GYPE: variants seen among roughly 807,000 people sequenced by gnomAD.
The protein encoded by GYPE is glycophorin E (MNS blood group).
A neutral mutation model predicts 11.6 loss-of-function variants in GYPE; 8 were observed. That is an observed-to-expected ratio of 0.69 (90% CI 0.41 to 1.25). The LOEUF (loss-of-function observed/expected upper bound fraction) is 1.25, where lower values mean the gene tolerates loss of function less well. GYPE is among the 50% of genes most tolerant of loss of function. The pLI is 0.01. For synonymous variants in GYPE, 28 were observed against 29.6 expected, an observed-to-expected ratio of 0.94 and a Z score of 0.18; for missense variants, 90 against 92.8, an observed-to-expected ratio of 0.97 and a Z score of 0.12.
At chr4:143,895,318 G>C (rs892873683) in intron 1 of GYPE, among the ~76,000 whole-genome samples, 10 of 152,138 alleles carry the variant, frequency 6.6e-5, no homozygotes, top group African/African-American at 2.4e-4. Flanking sequence ...TCTCAGGATA[G>C]AAAATCAAGG....
chr4:143,891,986 G>C (rs1416928461), intron 1 of GYPE, among the ~76,000 whole-genome samples: 1 of 152,152 alleles, frequency 6.6e-6, no homozygotes, highest in African/African-American at 2.4e-5. Context: ...CACAATTTCA[G>C]AGCCTGTTAT....
chr4:143,900,391 TA>T (rs1206437227), intron 1 of GYPE, among the ~76,000 whole-genome samples: 2 of 117,760 alleles, frequency 1.7e-5, no homozygotes, highest in East Asian at 4.7e-4. Context: ...AGCAGTTCCT[TA>T]GTAAGTTAAA....
chr4:143,895,260 T>C (rs936983682), intron 1 of GYPE, among the ~76,000 whole-genome samples: 15 of 152,294 alleles, frequency 9.8e-5, no homozygotes, highest in African/African-American at 3.4e-4. Context: ...GAAAACCCCA[T>C]TGTCTTGGCC....
intron 1 of GYPE, among the ~76,000 whole-genome samples, chr4:143,895,663 G>C (rs1196108318): frequency 7.2e-6 from 1 of 138,266 alleles, no homozygotes; most frequent in South Asian, 2.7e-4. Context: ...CTACTTTAAA[G>C]TTCATATGGA....
intron 1 of GYPE, among the ~76,000 whole-genome samples, chr4:143,891,661 A>G (rs1262118556): frequency 2.6e-5 from 4 of 152,104 alleles, no homozygotes; most frequent in African/African-American, 4.8e-5. Context: ...AAAAAAGTAA[A>G]AATCATTTGT....
Position 143,871,736 on chromosome 4 carries a change from A to G in GYPE, c.*526T>C, listed in dbSNP as rs1743626622. On this transcript the variant is annotated 3_prime_UTR_variant, in exon 4 of 4. Coordinates refer to ENST00000358615, the MANE Select transcript of GYPE (RefSeq NM_198682.3). ...GCCTTCAAGAAGGTGAGAGAAACTA[A>G]TATTTGGTTTACTGTCAGCAGTCTG... 1 of 152,142 alleles carries G rather than the reference A, an allele frequency of 6.6e-6. No homozygotes were observed. The highest frequency in any genetic ancestry group is 2.4e-5 in the African/African-American group (1 of 41,414). The allele number at this position is 152,142 out of a possible 1,614,324, so 9.4% of individuals were successfully genotyped here. A position where few individuals can be genotyped will look rare whatever the true frequency, so the allele number is the denominator to read the frequency against.
chr4:143,895,621 A>G (rs1321592048), intron 1 of GYPE, among the ~76,000 whole-genome samples: 1 of 147,440 alleles, frequency 6.8e-6, no homozygotes, highest in Non-Finnish European at 1.5e-5. Context: ...CCATCAAGCT[A>G]CCAATGACTT....
At chr4:143,894,750 C>T (rs559362948) in intron 1 of GYPE, among the ~76,000 whole-genome samples, 5 of 152,194 alleles carry the variant, frequency 3.3e-5, no homozygotes, top group South Asian at 2.1e-4. Flanking sequence ...ATGCAAAAAT[C>T]CTCAATAAAA....
chr4:143,900,697 TA>T (rs1386144044), intron 1 of GYPE, among the ~76,000 whole-genome samples: 1 of 152,106 alleles, frequency 6.6e-6, no homozygotes, highest in Non-Finnish European at 1.5e-5. Context: ...GGATGAACTT[TA>T]AACACATTAT....
chr4:143,874,723 A>G (rs1351816339), intron 3 of GYPE, among the ~76,000 whole-genome samples: 1 of 152,130 alleles, frequency 6.6e-6, no homozygotes, highest in African/African-American at 2.4e-5. Flanking sequence ...CTTTAGTTCA[A>G]CCTGTCCTTT....
intron 3 of GYPE, among the ~76,000 whole-genome samples, chr4:143,872,656 G>C (rs150391106): frequency 6.6e-6 from 1 of 152,036 alleles, no homozygotes; most frequent in Non-Finnish European, 1.5e-5. Context: ...ATTATTCTGC[G>C]CTCTGAGGAT....
At chr4:143,905,051 A>G (rs1351111901) in intron 1 of GYPE, among the ~76,000 whole-genome samples, 10 of 152,204 alleles carry the variant, frequency 6.6e-5, no homozygotes, top group East Asian at 3.9e-4. Flanking sequence ...TTGGCTTCTC[A>G]CCATTTGGCA....
At chr4:143,873,501 G>A (rs1469930073) in intron 3 of GYPE, 1 of 455,346 alleles carries the variant, frequency 2.2e-6, no homozygotes, top group Non-Finnish European at 4.4e-6. Flanking sequence ...GCCATGAGAA[G>A]GGTCAAGAAC....
rs1011085838 is a variant in GYPE at position 143,876,746 on chromosome 4, C to G, written c.*9G>C. On this transcript the variant is annotated splice_region_variant and 3_prime_UTR_variant, in exon 3 of 4. Transcript: ENST00000358615. The stretch of plus-strand genomic sequence containing the variant: ...GCAAAATTAAAAACTGAATTCTCAC[C>G]TTTATCAGTCATCGAATACAGTAAG... 6.6e-6 allele frequency: 10 copies of G among 1,508,302 alleles called. No homozygotes were observed. The highest frequency in any genetic ancestry group is 8.3e-6 in the Non-Finnish European group (9 of 1,086,666). The allele number at this position is 1,508,302 out of a possible 1,614,324, so 93.4% of individuals were successfully genotyped here.
chr4:143,901,606 G>C (rs1237095151), intron 1 of GYPE, among the ~76,000 whole-genome samples: 1 of 149,414 alleles, frequency 6.7e-6, no homozygotes, highest in East Asian at 2.0e-4. Flanking sequence ...TGTAGGTCCA[G>C]CCTGATTTTG....
chr4:143,894,771 C>G (rs943243456), intron 1 of GYPE, among the ~76,000 whole-genome samples: 16 of 152,074 alleles, frequency 1.1e-4, no homozygotes, highest in African/African-American at 3.6e-4. Context: ...TCCTGGCAAA[C>G]CGAATCCAGC....
At chr4:143,891,382 G>T (rs1744398763) in intron 1 of GYPE, among the ~76,000 whole-genome samples, 1 of 142,914 alleles carries the variant, frequency 7.0e-6, no homozygotes, top group Admixed American at 7.2e-5. Flanking sequence ...AAGCTGGAGT[G>T]CAGTGGCCTG....
intron 1 of GYPE, among the ~76,000 whole-genome samples, chr4:143,889,431 T>C (rs1744322006): frequency 6.6e-6 from 1 of 152,162 alleles, no homozygotes; most frequent in Admixed American, 6.5e-5. Flanking sequence ...CACCAAATGG[T>C]TGGGGGATCT....
At chr4:143,903,794 G>C (rs1333083328) in intron 1 of GYPE, among the ~76,000 whole-genome samples, 1 of 68,914 alleles carries the variant, frequency 1.5e-5, no homozygotes, top group Non-Finnish European at 3.0e-5. Context: ...TGCTTGTGTA[G>C]TTGTAGAAAT....
Sources: allele counts gnomAD v4.1 joint callset (sites outside exome capture counted in the v4.1 genomes callset), GRCh38; gene constraint gnomAD v4.1.1; transcripts MANE v1.5; gene names NCBI Gene and HGNC (gene_info 2026-07-23, HGNC 2026-07-21).